The following MYO16 variants were observed in gnomAD, a reference collection of about 807,000 sequenced individuals.
MYO16 encodes the protein myosin XVI.
A neutral mutation model predicts 205.3 loss-of-function variants in MYO16; 94 were observed. That is an observed-to-expected ratio of 0.46 (90% CI 0.39 to 0.54). The LOEUF (loss-of-function observed/expected upper bound fraction) is 0.54, where lower values mean the gene tolerates loss of function less well. Ranked by LOEUF, MYO16 falls within the 20% of genes least tolerant of loss-of-function variation. The probability of loss-of-function intolerance (pLI) is 0.00; values close to 1 mark genes in which losing one functional copy is unlikely to be tolerated. For synonymous variants in MYO16, 988 were observed against 954.0 expected, an observed-to-expected ratio of 1.04 and a Z score of -0.66; for missense variants, 2,315 against 2,387.5, an observed-to-expected ratio of 0.97 and a Z score of 0.63.
At chr13:108,557,674 G>A in the MYO16 span, among the ~76,000 whole-genome samples, 1 of 151,782 alleles carries the variant, frequency 6.6e-6, no homozygotes, top group Non-Finnish European at 1.5e-5. Context: ...CATAGGAAAT[G>A]GTATGTGTAT....
chr13:109,104,632 G>C (rs1889066880), intron 28 of MYO16, among the ~76,000 whole-genome samples: 1 of 152,194 alleles, frequency 6.6e-6, no homozygotes, highest in Non-Finnish European at 1.5e-5. Context: ...TTAAGACCTA[G>C]ATGTGACTCA....
intron 9 of MYO16, among the ~76,000 whole-genome samples, chr13:108,841,352 A>C (rs1456862171): frequency 6.6e-6 from 1 of 152,234 alleles, no homozygotes; most frequent in East Asian, 1.9e-4. Context: ...AAACATTTGG[A>C]CATCCATATG....
At chr13:108,895,218 A>T (rs772619125) in intron 14 of MYO16, among the ~76,000 whole-genome samples, 9 of 151,570 alleles carry the variant, frequency 5.9e-5, no homozygotes, top group Non-Finnish European at 1.2e-4. Context: ...ACAAAAAAAA[A>T]GTCAATAAAA....
At chr13:108,757,628 C>A (rs1266847278) in intron 4 of MYO16, among the ~76,000 whole-genome samples, 8 of 152,044 alleles carry the variant, frequency 5.3e-5, no homozygotes, top group African/African-American at 1.9e-4. Context: ...ATCCCTCCCC[C>A]TTCTCCCCAC....
chr13:108,844,511 G>A lies in MYO16; in HGVS notation c.1248+18G>A. On this transcript the variant is annotated intron_variant, in intron 10 of 34. Coordinates refer to ENST00000457511, the MANE Select transcript of MYO16 (RefSeq NM_001198950.3). Reference sequence around the variant, plus strand: ...CCGAGCAGGTAATCATGCTTTCACTGTGTGTCTACCAGTACTTTTTCATAT... The same window carrying A: ...CCGAGCAGGTAATCATGCTTTCACTATGTGTCTACCAGTACTTTTTCATAT... The A allele has an allele frequency of 8.8e-6, 14 of 1,591,710 alleles. No individual in the cohort carries two copies. The highest frequency in any genetic ancestry group is 1.2e-5 in the Non-Finnish European group (14 of 1,165,992).
At chr13:108,847,516 C>T (rs1045708591) in intron 10 of MYO16, among the ~76,000 whole-genome samples, 1 of 152,044 alleles carries the variant, frequency 6.6e-6, no homozygotes, top group South Asian at 2.1e-4. Flanking sequence ...CTTTTCAAAG[C>T]CATAAAGCTC....
At chr13:109,023,862 A>G (rs1171216454) in intron 23 of MYO16, among the ~76,000 whole-genome samples, 3 of 138,376 alleles carry the variant, frequency 2.2e-5, no homozygotes, top group African/African-American at 2.6e-5. Context: ...ATAAATATAA[A>G]ATTTATTAAA....
the MYO16 span, among the ~76,000 whole-genome samples, chr13:108,561,657 T>A: frequency 5.3e-5 from 8 of 152,352 alleles, no homozygotes; most frequent in Non-Finnish European, 1.2e-4. Flanking sequence ...ATAGATTAAA[T>A]CAGACTTTCT....
intron 4 of MYO16, among the ~76,000 whole-genome samples, chr13:108,781,016 A>G (rs554236209): frequency 6.6e-6 from 1 of 152,320 alleles, no homozygotes; most frequent in East Asian, 1.9e-4. Flanking sequence ...AGCACAGACA[A>G]TATTCTTTCT....
intron 33 of MYO16, among the ~76,000 whole-genome samples, chr13:109,175,341 G>A (rs537684013): frequency 2.6e-5 from 4 of 152,248 alleles, no homozygotes; most frequent in East Asian, 1.9e-4. Context: ...AAGCCTTTTC[G>A]ACTTTTGCCC....
At chr13:109,115,260 A>C (rs887158028) in intron 28 of MYO16, among the ~76,000 whole-genome samples, 3 of 151,408 alleles carry the variant, frequency 2.0e-5, no homozygotes, top group Admixed American at 1.3e-4. Context: ...AAAAAAAAAA[A>C]AAAAAAAAAA....
the MYO16 span, among the ~76,000 whole-genome samples, chr13:108,560,137 TATC>T: frequency 6.6e-6 from 1 of 152,242 alleles, no homozygotes; most frequent in African/African-American, 2.4e-5. Flanking sequence ...AATGTTGAAT[TATC>T]ATTGCTTGCA....
At chr13:108,614,791 A>G (rs1363042851) in intron 1 of MYO16, among the ~76,000 whole-genome samples, 1 of 152,076 alleles carries the variant, frequency 6.6e-6, no homozygotes, top group Non-Finnish European at 1.5e-5. Flanking sequence ...TTGGACCCAT[A>G]CTTCATACCA....
intron 23 of MYO16, among the ~76,000 whole-genome samples, chr13:109,024,221 T>TA (rs1886284883): frequency 6.6e-6 from 1 of 151,712 alleles, no homozygotes; most frequent in Non-Finnish European, 1.5e-5. Flanking sequence ...TTTCAGGCTA[T>TA]ATTTTCTTCA....
intron 22 of MYO16, among the ~76,000 whole-genome samples, chr13:109,013,950 T>G (rs1440762532): frequency 1.3e-5 from 2 of 152,224 alleles, no homozygotes; most frequent in Non-Finnish European, 2.9e-5. Flanking sequence ...TCTTTTACTG[T>G]GCAGAAACTC....
chr13:108,626,702 G>C (rs1260626947), upstream of MYO16, among the ~76,000 whole-genome samples: 2 of 151,784 alleles, frequency 1.3e-5, no homozygotes, highest in Non-Finnish European at 2.9e-5. Context: ...TACTTGGGAG[G>C]CTGAAACAGG....
rs73616451 is a variant in MYO16, at chr13:108,959,027, C to T, written c.2037+1228C>T. Among the ~76,000 whole-genome samples the T allele has an allele frequency of 8.4e-3, 1,284 of 152,202 alleles. 9 individuals carry two copies. The highest frequency in any genetic ancestry group is 0.028 in the African/African-American group (1,179 of 41,534). Reference sequence around the variant, plus strand: ...TCCCTGCCCACACCGTTATGGCTGACGGGGCAGTGAGTAGGTGGGGAGGGT... The same window carrying T: ...TCCCTGCCCACACCGTTATGGCTGATGGGGCAGTGAGTAGGTGGGGAGGGT... On this transcript the variant is annotated intron_variant, in intron 17 of 34. Transcript: ENST00000457511.
At chr13:109,013,114 A>AT (rs1468753436) in intron 22 of MYO16, among the ~76,000 whole-genome samples, 2 of 55,130 alleles carry the variant, frequency 3.6e-5, no homozygotes, top group Non-Finnish European at 6.8e-5. Context: ...CCCCTCCCCC[A>AT]CCCCCCCCCA....
intron 1 of MYO16, among the ~76,000 whole-genome samples, chr13:108,660,567 G>GT (rs1392079681): frequency 1.6e-4 from 25 of 152,064 alleles, no homozygotes; most frequent in African/African-American, 5.8e-4. Flanking sequence ...TTTAAAGTTT[G>GT]TTTTTTTCGG....
Sources: allele counts gnomAD v4.1 joint callset (sites outside exome capture counted in the v4.1 genomes callset), GRCh38; gene constraint gnomAD v4.1.1; transcripts MANE v1.5; gene names NCBI Gene and HGNC (gene_info 2026-07-23, HGNC 2026-07-21).